The following AGBL1 variants were observed in gnomAD, a reference collection of about 807,000 sequenced individuals.
The protein encoded by AGBL1 is cytosolic carboxypeptidase 4.
A neutral mutation model predicts 118.9 loss-of-function variants in AGBL1; 130 were observed. The observed-to-expected ratio is 1.09, with a 90% CI of 0.95 to 1.26. AGBL1 has a LOEUF of 1.26. AGBL1 is among the 50% of genes most tolerant of loss of function. The pLI is 0.00. For missense variants in AGBL1, 1,584 were observed against 1,298.1 expected, an observed-to-expected ratio of 1.22 and a Z score of -3.38; for synonymous variants, 555 against 478.9, an observed-to-expected ratio of 1.16 and a Z score of -2.08.
chr15:86,205,666 A>G (rs967197455), intron 5 of AGBL1, among the ~76,000 whole-genome samples: 3 of 152,146 alleles, frequency 2.0e-5, no homozygotes, highest in African/African-American at 7.2e-5. Flanking sequence ...ATGTATTGGT[A>G]TTTCATTGTG....
chr15:86,897,455 TTTA>T (rs1447302011), intron 22 of AGBL1, among the ~76,000 whole-genome samples: 1 of 152,146 alleles, frequency 6.6e-6, no homozygotes, highest in Admixed American at 6.5e-5. Context: ...ACATTGATCC[TTTA>T]TTGTTTTACT....
At chr15:86,835,096 T>A (rs2141424039) in intron 22 of AGBL1, among the ~76,000 whole-genome samples, 1 of 152,244 alleles carries the variant, frequency 6.6e-6, no homozygotes, top group South Asian at 2.1e-4. Flanking sequence ...TCCCTAGTAT[T>A]ACATTTAAGG....
chr15:86,461,152 G>A (rs918327102), intron 18 of AGBL1, among the ~76,000 whole-genome samples: 2 of 152,098 alleles, frequency 1.3e-5, no homozygotes, highest in African/African-American at 4.8e-5. Context: ...CTATAGCCTG[G>A]GATCAGGGAC....
intron 23 of AGBL1, among the ~76,000 whole-genome samples, chr15:86,975,764 G>T (rs10438425): frequency 7.0e-4 from 107 of 152,150 alleles, no homozygotes; most frequent in African/African-American, 2.4e-3. Flanking sequence ...TGTCAATTTT[G>T]CAGGAAAGCA....
intron 22 of AGBL1, among the ~76,000 whole-genome samples, chr15:86,748,510 CTTTTTTTTTTTT>C (rs752203969): frequency 3.1e-4 from 3 of 9,774 alleles, no homozygotes; most frequent in Admixed American, 1.6e-3. Flanking sequence ...TCAATTTTGG[CTTTTTTTTTTTT>C]TTTTTTTTTT....
chr15:86,752,982 C>T (rs2077878130), intron 22 of AGBL1, among the ~76,000 whole-genome samples: 1 of 152,058 alleles, frequency 6.6e-6, no homozygotes, highest in African/African-American at 2.4e-5. Context: ...CTTGCTCCCG[C>T]CCTTTCTTCA....
intron 16 of AGBL1, among the ~76,000 whole-genome samples, chr15:86,293,010 C>G (rs1597691690): frequency 6.6e-6 from 1 of 152,224 alleles, no homozygotes; most frequent in South Asian, 2.1e-4. Flanking sequence ...TTCAGGTGCC[C>G]CTGAGGCTAG....
intron 17 of AGBL1, among the ~76,000 whole-genome samples, chr15:86,316,364 C>T (rs1042231555): frequency 1.3e-5 from 2 of 152,110 alleles, no homozygotes; most frequent in African/African-American, 4.8e-5. Flanking sequence ...TCTTTCTCTC[C>T]TACACGGCTT....
intron 23 of AGBL1, among the ~76,000 whole-genome samples, chr15:86,975,406 A>G (rs997932508): frequency 2.0e-5 from 3 of 151,990 alleles, no homozygotes; most frequent in Non-Finnish European, 4.4e-5. Flanking sequence ...CACGAGAAAG[A>G]GAAAGACCCA....
At chr15:86,729,300 A>C (rs542302218) in intron 22 of AGBL1, among the ~76,000 whole-genome samples, 1 of 152,286 alleles carries the variant, frequency 6.6e-6, no homozygotes, top group East Asian at 1.9e-4. Flanking sequence ...TCTTTATTTT[A>C]GGGTCAGGAG....
chr15:86,572,765 C>T (rs953133352), intron 21 of AGBL1, among the ~76,000 whole-genome samples: 3 of 152,246 alleles, frequency 2.0e-5, no homozygotes, highest in Non-Finnish European at 4.4e-5. Context: ...GCTGCTTCAG[C>T]CAGCATGATG....
At chr15:86,601,207 G>C (rs1372980654) in intron 21 of AGBL1, among the ~76,000 whole-genome samples, 1 of 152,150 alleles carries the variant, frequency 6.6e-6, no homozygotes, top group Non-Finnish European at 1.5e-5. Context: ...TTTGTCAAAA[G>C]AAAGTTACAT....
At chr15:86,582,224 C>A (rs1190918349) in intron 21 of AGBL1, among the ~76,000 whole-genome samples, 1 of 152,168 alleles carries the variant, frequency 6.6e-6, no homozygotes, top group Non-Finnish European at 1.5e-5. Flanking sequence ...CAGGTTCACT[C>A]TTTGAGTCTT....
At chr15:86,293,253 A>T (rs951839775) in intron 16 of AGBL1, among the ~76,000 whole-genome samples, 69 of 152,148 alleles carry the variant, frequency 4.5e-4, no homozygotes, top group Non-Finnish European at 5.4e-4. Flanking sequence ...TACTTTTTTT[A>T]AAAAAAATTG....
At chr15:86,418,328 C>T (rs1187985438) in intron 18 of AGBL1, among the ~76,000 whole-genome samples, 1 of 152,166 alleles carries the variant, frequency 6.6e-6, no homozygotes, top group African/African-American at 2.4e-5. Flanking sequence ...ATATAACTTG[C>T]AAGGATATCT....
intron 21 of AGBL1, among the ~76,000 whole-genome samples, chr15:86,632,283 A>AG (rs1384692786): frequency 5.4e-5 from 8 of 149,464 alleles, no homozygotes; most frequent in Admixed American, 3.3e-4. Flanking sequence ...TTAAAAAAAA[A>AG]AAAAAAAAAG....
chr15:86,680,565 C>CTTTTTTTTTTTTTTTTTTT (rs34873609), intron 22 of AGBL1, among the ~76,000 whole-genome samples: 36 of 94,678 alleles, frequency 3.8e-4, no homozygotes, highest in Admixed American at 5.1e-4. Flanking sequence ...TCTTTCTTTT[C>CTTTTTTTTTTTTTTTTTTT]TTTTTTTTTT....
chr15:86,783,935 C>T (rs2141314967), intron 22 of AGBL1, among the ~76,000 whole-genome samples: 1 of 152,210 alleles, frequency 6.6e-6, no homozygotes, highest in South Asian at 2.1e-4. Context: ...CTTGCCCCCA[C>T]TTTTCTTAAA....
At chr15:86,942,048 A>G (rs913349840) in intron 23 of AGBL1, among the ~76,000 whole-genome samples, 1 of 152,216 alleles carries the variant, frequency 6.6e-6, no homozygotes, top group African/African-American at 2.4e-5. Context: ...TATTCTCTCC[A>G]TTAGGACAGA....
Sources: allele counts gnomAD v4.1 joint callset (sites outside exome capture counted in the v4.1 genomes callset), GRCh38; gene constraint gnomAD v4.1.1; transcripts MANE v1.5; gene names NCBI Gene and HGNC (gene_info 2026-07-23, HGNC 2026-07-21).